Variants in SEMA5A observed in about 807,000 individuals in gnomAD.
SEMA5A encodes semaphorin-5A.
A neutral mutation model predicts 135.5 loss-of-function variants in SEMA5A; 55 were observed. The ratio of observed to expected loss-of-function variants is 0.41; its 90% CI spans 0.33 to 0.51. SEMA5A has a LOEUF of 0.51. SEMA5A is among the 20% of genes least tolerant of loss of function. The pLI is 0.37. For missense variants in SEMA5A, 1,290 were observed against 1,419.9 expected, an observed-to-expected ratio of 0.91 and a Z score of 1.47; for synonymous variants, 580 against 546.5, an observed-to-expected ratio of 1.06 and a Z score of -0.85.
chr5:9,187,506 C>T (rs1183344285), intron 11 of SEMA5A, among the ~76,000 whole-genome samples: 1 of 152,132 alleles, frequency 6.6e-6, no homozygotes, highest in Non-Finnish European at 1.5e-5. Context: ...GTATCTATGG[C>T]TGTTTTCTGC....
At chr5:9,066,693 C>T in intron 16 of SEMA5A, 47 bp from the exon 17 acceptor site, 1 of 1,531,528 alleles carries the variant, frequency 6.5e-7, no homozygotes, top group Non-Finnish European at 9.0e-7. Flanking sequence ...GTAAACAGAG[C>T]AACCTCACGA....
chr5:9,184,438 A>G (rs1744699064), intron 11 of SEMA5A, among the ~76,000 whole-genome samples: 1 of 152,156 alleles, frequency 6.6e-6, no homozygotes, highest in Non-Finnish European at 1.5e-5. Flanking sequence ...CTTTGGGCAC[A>G]AGTTTTTAGC....
In SEMA5A at chr5:9,127,161, C is replaced by T. The variant is rs139122182; in HGVS notation, c.1600-4324G>A. On this transcript the variant is annotated intron_variant, in intron 13 of 22. Transcript: ENST00000382496. ...TTACATAAAACAGGTTAGCCTGCGA[C>T]GTTAAAAGCAAGGTGGAATCAGTCA... 9.0e-3 allele frequency among the ~76,000 whole-genome samples: 1,367 copies of T among 152,242 alleles called. 14 individuals carry two copies. The highest frequency in any genetic ancestry group is 0.031 in the African/African-American group (1,297 of 41,530).
chr5:9,056,747 C>A (rs1219469166), intron 18 of SEMA5A, among the ~76,000 whole-genome samples: 1 of 152,066 alleles, frequency 6.6e-6, no homozygotes, highest in Non-Finnish European at 1.5e-5. Flanking sequence ...AATAGAATTA[C>A]TGTAAGATCT....
At chr5:9,459,636 G>A (rs540509958) in intron 1 of SEMA5A, among the ~76,000 whole-genome samples, 1 of 152,236 alleles carries the variant, frequency 6.6e-6, no homozygotes, top group African/African-American at 2.4e-5. Flanking sequence ...ACTGAACAAA[G>A]CCAGATCTAG....
rs910752716 is a variant in SEMA5A, at chr5:9,063,509, T to C, written c.2300-404A>G. Among the ~76,000 whole-genome samples the C allele has an allele frequency of 1.2e-4, 19 of 152,178 alleles. 1 individual carries two copies. Among genetic ancestry groups the C allele is most frequent in the Admixed American group, 1.0e-3 (16 of 15,278 alleles). On this transcript the variant is annotated intron_variant, in intron 17 of 22. Coordinates refer to ENST00000382496, the MANE Select transcript of SEMA5A (RefSeq NM_003966.3). ...TAGAGCCTGCCCTCAAGGACCTCCATCTGGAGGAAGGGAAACATAATTCAG... is the reference window on the plus strand; with the variant it reads ...TAGAGCCTGCCCTCAAGGACCTCCACCTGGAGGAAGGGAAACATAATTCAG...
chr5:9,123,209 A>AGAT (rs1740912687), intron 13 of SEMA5A, among the ~76,000 whole-genome samples: 1 of 135,348 alleles, frequency 7.4e-6, no homozygotes, highest in Admixed American at 8.3e-5. Flanking sequence ...CAGTGAGCCG[A>AGAT]GATCGCACCA....
At chr5:9,177,063 G>A (rs1301683456) in intron 11 of SEMA5A, among the ~76,000 whole-genome samples, 1 of 152,220 alleles carries the variant, frequency 6.6e-6, no homozygotes, top group Non-Finnish European at 1.5e-5. Context: ...CAGCATGTGG[G>A]TGCCACTGTA....
At chr5:9,176,250 G>C (rs894357386) in intron 11 of SEMA5A, among the ~76,000 whole-genome samples, 4 of 152,178 alleles carry the variant, frequency 2.6e-5, no homozygotes, top group African/African-American at 7.2e-5. Flanking sequence ...CATTGAAGAA[G>C]GGTATGGGTG....
At chr5:9,073,719 C>CA (rs960569296) in intron 16 of SEMA5A, among the ~76,000 whole-genome samples, 17 of 151,090 alleles carry the variant, frequency 1.1e-4, no homozygotes, top group East Asian at 5.8e-4. Flanking sequence ...TGGAGTCTAC[C>CA]AAAAAAAAGC....
At chr5:9,217,349 T>A (rs1451837802) in intron 8 of SEMA5A, among the ~76,000 whole-genome samples, 1 of 152,218 alleles carries the variant, frequency 6.6e-6, no homozygotes, top group Non-Finnish European at 1.5e-5. Context: ...GGATTTCAGC[T>A]GAGAGGTCCA....
chr5:9,509,768 G>C (rs770647037), intron 1 of SEMA5A, among the ~76,000 whole-genome samples: 1 of 152,108 alleles, frequency 6.6e-6, no homozygotes, highest in Admixed American at 6.6e-5. Flanking sequence ...GCTCTCACTA[G>C]ATAGTTTTTC....
At chr5:9,464,124 C>T (rs529581190) in intron 1 of SEMA5A, among the ~76,000 whole-genome samples, 10 of 152,312 alleles carry the variant, frequency 6.6e-5, no homozygotes, top group Non-Finnish European at 1.3e-4. Context: ...CAGCTCTCCC[C>T]ACCCTGAATG....
intron 16 of SEMA5A, among the ~76,000 whole-genome samples, chr5:9,089,545 C>T (rs1475998262): frequency 6.6e-6 from 1 of 152,020 alleles, no homozygotes; most frequent in African/African-American, 2.4e-5. Flanking sequence ...AACCTCTGAC[C>T]TTTGAGATGC....
intron 2 of SEMA5A, among the ~76,000 whole-genome samples, chr5:9,395,017 C>T (rs1474451591): frequency 6.6e-6 from 1 of 151,618 alleles, no homozygotes; most frequent in African/African-American, 2.4e-5. Context: ...ACTCCTAAGT[C>T]GTAGGAAAAT....
At chr5:9,383,319 G>A (rs1755694230) in intron 2 of SEMA5A, among the ~76,000 whole-genome samples, 1 of 152,188 alleles carries the variant, frequency 6.6e-6, no homozygotes, top group African/African-American at 2.4e-5. Context: ...CTTGTTAGAG[G>A]TGCTTTAGAT....
intron 16 of SEMA5A, among the ~76,000 whole-genome samples, chr5:9,078,516 T>C (rs12716205): frequency 0.78 from 117,504 of 151,222 alleles, 45,880 homozygotes; most frequent in East Asian, 0.95. Context: ...CCCCAGATTC[T>C]TTGAAGGACA....
At chr5:9,051,328 C>A (rs1339556394) in intron 20 of SEMA5A, among the ~76,000 whole-genome samples, 1 of 152,180 alleles carries the variant, frequency 6.6e-6, no homozygotes, top group African/African-American at 2.4e-5. Flanking sequence ...TCATATAGCA[C>A]CTTCTCACAG....
At chr5:9,439,801 AG>A (rs1056227059) in intron 1 of SEMA5A, among the ~76,000 whole-genome samples, 2 of 152,188 alleles carry the variant, frequency 1.3e-5, no homozygotes, top group African/African-American at 2.4e-5. Context: ...TCCAAAACCC[AG>A]CCCCTTCCTT....
Sources: allele counts gnomAD v4.1 joint callset (sites outside exome capture counted in the v4.1 genomes callset), GRCh38; gene constraint gnomAD v4.1.1; transcripts MANE v1.5; gene names NCBI Gene and HGNC (gene_info 2026-07-23, HGNC 2026-07-21).